DIO2: variants seen among roughly 807,000 people sequenced by gnomAD.
DIO2 encodes the protein iodothyronine deiodinase 2.
DIO2 carries 19 observed loss-of-function variants against 21.4 expected under a neutral mutation model. That is an observed-to-expected ratio of 0.89 (90% CI 0.62 to 1.30). The LOEUF (loss-of-function observed/expected upper bound fraction) is 1.30. DIO2 is among the 50% of genes most tolerant of loss of function. The probability of loss-of-function intolerance (pLI) is 0.00; values close to 1 mark genes in which losing one functional copy is unlikely to be tolerated. For synonymous variants in DIO2, 122 were observed against 132.9 expected, an observed-to-expected ratio of 0.92 and a Z score of 0.57; for missense variants, 302 against 338.1, an observed-to-expected ratio of 0.89 and a Z score of 0.84.
At chr14:80,210,676 A>C (rs1210745229) in intron 1 of DIO2, among the ~76,000 whole-genome samples, 1 of 152,084 alleles carries the variant, frequency 6.6e-6, no homozygotes, top group Non-Finnish European at 1.5e-5. Context: ...AATGTAGAGG[A>C]GGTGGCACAC....
intron 2 of DIO2, among the ~76,000 whole-genome samples, chr14:80,228,929 T>C (rs1354997468): frequency 2.6e-5 from 4 of 152,150 alleles, no homozygotes; most frequent in Non-Finnish European, 5.9e-5. Context: ...CTTTCTCCAA[T>C]GCACAGCTAC....
chr14:80,203,053 A>G lies in DIO2; in HGVS notation c.458T>C (p.Val153Ala), dbSNP rs751691317. The G allele has an allele frequency of 1.2e-6, 2 of 1,613,904 alleles. No homozygotes were observed. Among genetic ancestry groups the G allele is most frequent in the South Asian group, 2.2e-5 (2 of 91,076 alleles). The stretch of plus-strand genomic sequence containing the variant: ...AATGTAGACCAGCAGGAAGTCAGCC[A>G]CTGAGGAGAACTCTTCCACCAGTTT... ...FRKLVEEFSS[V>A]ADFLLVYIDE... Residue 153 changes from valine (V) to alanine (A), a missense_variant, in exon 2 of 2, where the codon GTG becomes GCG. Transcript: ENST00000438257.
chr14:80,208,484 T>C lies in DIO2; in HGVS notation c.222+2767A>G, dbSNP rs898024622. On this transcript the variant is annotated intron_variant, in intron 1 of 1. Transcript: ENST00000438257. The stretch of plus-strand genomic sequence containing the variant: ...ACTTTTACTCCACTTTCTCTACATA[T>C]CTTTCCAGGCATCTGACATGCAGCA... Among the ~76,000 whole-genome samples, 21 of 152,320 alleles carry C rather than the reference T, an allele frequency of 1.4e-4. 1 individual carries two copies. The highest frequency in any genetic ancestry group is 5.0e-4 in the African/African-American group (21 of 41,586).
rs1888175391 is a variant in DIO2 at position 80,211,235 on chromosome 14, T to C, written c.222+16A>G. The C allele has an allele frequency of 2.5e-6, 4 of 1,603,224 alleles. No homozygotes were observed. The highest frequency in any genetic ancestry group is 3.4e-6 in the Non-Finnish European group (4 of 1,177,226). On this transcript the variant is annotated intron_variant, in intron 1 of 1. Coordinates refer to ENST00000438257, the MANE Select transcript of DIO2 (RefSeq NM_013989.5). The stretch of plus-strand genomic sequence containing the variant: ...CCCTGTAGACCTAGGGAGAAGCCCT[T>C]CTCAGCTCAGCTCACCTGTTTGTAG...
rs571730058 is a variant in DIO2 at position 80,225,047 on chromosome 14, C to A, written c.-277-8310G>T. ...AGTCTGGGAGGCTAGGCCAGTCTTA[C>A]CTTTTCATGTTTTTCTTCCTGCTTT... On this transcript the variant is annotated intron_variant, in intron 2 of 4. Transcript: ENST00000553594. 6.6e-5 allele frequency among the ~76,000 whole-genome samples: 10 copies of A among 152,246 alleles called. No homozygotes were observed. In the East Asian group the frequency reaches 1.7e-3, roughly 26 times the overall value.
chr14:80,207,693 G>T (rs1888003074), intron 1 of DIO2, among the ~76,000 whole-genome samples: 1 of 152,132 alleles, frequency 6.6e-6, no homozygotes, highest in African/African-American at 2.4e-5. Context: ...TATTCAGATT[G>T]GCCAAATAAA....
chr14:80,202,285 G>A lies in DIO2; in HGVS notation c.*404C>T. ...AACTGGGCTCCATCCATGCCAAATA[G>A]AGCCAAGGCAATACCCTTTATCTTA... On this transcript the variant is annotated 3_prime_UTR_variant, in exon 2 of 2. Coordinates refer to ENST00000438257, the MANE Select transcript of DIO2 (RefSeq NM_013989.5). The A allele has an allele frequency of 3.8e-6, 2 of 521,070 alleles. No homozygotes were observed. The highest frequency in any genetic ancestry group is 3.9e-5 in the Admixed American group (2 of 51,374). 32.3% of individuals were successfully genotyped at this position (521,070 alleles called of 1,614,324 possible). A position where few individuals can be genotyped will look rare whatever the true frequency, so the allele number is the denominator to read the frequency against.
chr14:80,203,013 T>C lies in DIO2; in HGVS notation c.498A>G (p.Pro166=). ...FLLVYIDEAH[P]SDGWAIPGDS... ...CCCCCGGTATCGCCCAGCCATCTGA[T>C]GGATGAGCCTCATCAATGTAGACCA... The change falls in exon 2 of 2, where the codon CCA becomes CCG. Residue 166 remains proline (P), a synonymous_variant. Coordinates refer to ENST00000438257, the MANE Select transcript of DIO2 (RefSeq NM_013989.5). The C allele has an allele frequency of 6.2e-7, 1 of 1,613,982 alleles. No individual in the cohort carries two copies. Among genetic ancestry groups the C allele is most frequent in the Non-Finnish European group, 8.5e-7 (1 of 1,179,876 alleles).
At chr14:80,220,604 T>C (rs1888447217) in intron 2 of DIO2, among the ~76,000 whole-genome samples, 1 of 152,234 alleles carries the variant, frequency 6.6e-6, no homozygotes, top group Admixed American at 6.5e-5. Flanking sequence ...GAATTAATCT[T>C]AGTATGAATA....
rs1230384430 is a variant in DIO2 at position 80,198,288 on chromosome 14, A to G, written c.*4401T>C. 1 of 152,694 alleles carries G rather than the reference A, an allele frequency of 6.5e-6. No individual in the cohort carries two copies. Among genetic ancestry groups the G allele is most frequent in the African/African-American group, 2.4e-5 (1 of 41,466 alleles). The allele number at this position is 152,694 out of a possible 1,614,324, so 9.5% of individuals were successfully genotyped here. ...AGACGGGTAGCCAGCCCCGACTTGC[A>G]TGAGCAGTCTTGTTTGGATATCTGC... On this transcript the variant is annotated 3_prime_UTR_variant, in exon 2 of 2. Transcript: ENST00000438257.
At chr14:80,205,100 G>T (rs916154909) in intron 1 of DIO2, among the ~76,000 whole-genome samples, 1 of 152,140 alleles carries the variant, frequency 6.6e-6, no homozygotes, top group Non-Finnish European at 1.5e-5. Context: ...TCTTTCATAT[G>T]AACTACCCTA....
chr14:80,211,320 C>T lies in DIO2; in HGVS notation c.153G>A (p.Trp51Ter). 1 of 1,613,734 alleles carries T rather than the reference C, an allele frequency of 6.2e-7. No individual in the cohort carries two copies. The change falls in exon 1 of 2, where the codon TGG (tryptophan) becomes TGA (stop). Residue 51 changes from tryptophan to a stop codon, truncating the protein, a stop_gained. Transcript: ENST00000438257. LOFTEE classifies it high-confidence loss of function. ...GTCCCTCTGAGGTCAGCATGCGCCG[C>T]CACTCTCCGCGAGTGGACTTGGAGC... ...LSRSKSTRGE[W>*]RRMLTSEGLR...
At chr14:80,216,456 T>C (rs937999971), upstream of DIO2, among the ~76,000 whole-genome samples, 5 of 152,134 alleles carry the variant, frequency 3.3e-5, no homozygotes, top group African/African-American at 7.2e-5. Context: ...TCCACATTGA[T>C]AGCCAATCCC....
chr14:80,218,128 T>C (rs1888393238), intron 2 of DIO2, among the ~76,000 whole-genome samples: 1 of 152,056 alleles, frequency 6.6e-6, no homozygotes, highest in Admixed American at 6.6e-5. Context: ...TCTTGACAAG[T>C]TTTTTCAGAC....
Position 80,198,590 on chromosome 14 carries a change from T to A in DIO2, c.*4099A>T, listed in dbSNP as rs1264656594. ...GCTCTCCCATCCTAGATCCTCTCTT[T>A]TCTTAGAGAGCCTCAGGACATGACC... On this transcript the variant is annotated 3_prime_UTR_variant, in exon 2 of 2. Coordinates refer to ENST00000438257, the MANE Select transcript of DIO2 (RefSeq NM_013989.5). 1 of 152,126 alleles carries A rather than the reference T, an allele frequency of 6.6e-6. No homozygotes were observed. Among genetic ancestry groups the A allele is most frequent in the African/African-American group, 2.4e-5 (1 of 41,418 alleles). The allele number at this position is 152,126 out of a possible 1,614,324, so 9.4% of individuals were successfully genotyped here. A position where few individuals can be genotyped will look rare whatever the true frequency, so the allele number is the denominator to read the frequency against.
Position 80,211,334 on chromosome 14 carries a change from T to A in DIO2, c.139A>T (p.Thr47Ser). The A allele has an allele frequency of 6.2e-7, 1 of 1,613,544 alleles. No individual in the cohort carries two copies. Residue 47 changes from threonine (T) to serine (S), a missense_variant, in exon 1 of 2, where the codon ACT (threonine) becomes TCT (serine). Transcript: ENST00000438257. ...AGCATGCGCCGCCACTCTCCGCGAG[T>A]GGACTTGGAGCGGCTCAACAGCAGC... ...VVLLLSRSKS[T>S]RGEWRRMLTS...
Position 80,202,619 on chromosome 14 carries a change from G to T in DIO2, c.*70C>A. Reference sequence around the variant, plus strand: ...AGCCAATAGGGCTCTGTTGAAATATGGATTCAGTTCTTAATTTCCTTGCCT... The same window carrying T: ...AGCCAATAGGGCTCTGTTGAAATATTGATTCAGTTCTTAATTTCCTTGCCT... On this transcript the variant is annotated 3_prime_UTR_variant, in exon 2 of 2. Transcript: ENST00000438257. The T allele has an allele frequency of 6.9e-7, 1 of 1,446,736 alleles. No homozygotes were observed. The allele number at this position is 1,446,736 out of a possible 1,614,324, so 89.6% of individuals were successfully genotyped here.
chr14:80,211,680 T>C (rs1335766450), upstream of DIO2: 1 of 386,162 alleles, frequency 2.6e-6, no homozygotes, highest in Non-Finnish European at 4.8e-6. Context: ...GTCCAGTCTC[T>C]CCAGCCCAGC....
chr14:80,218,450 G>A (rs1206789289), intron 2 of DIO2, among the ~76,000 whole-genome samples: 1 of 152,088 alleles, frequency 6.6e-6, no homozygotes, highest in Non-Finnish European at 1.5e-5. Flanking sequence ...CTGATGCGGA[G>A]CCCTCGAGAG....
Sources: allele counts gnomAD v4.1 joint callset (sites outside exome capture counted in the v4.1 genomes callset), GRCh38; gene constraint gnomAD v4.1.1; transcripts MANE v1.5; gene names NCBI Gene and HGNC (gene_info 2026-07-23, HGNC 2026-07-21).